Variants in CAMK1D observed in about 807,000 individuals in gnomAD.
CAMK1D encodes the protein calcium/calmodulin-dependent protein kinase type 1D.
A neutral mutation model predicts 47.7 loss-of-function variants in CAMK1D; 9 were observed. The observed-to-expected ratio is 0.19, with a 90% CI of 0.11 to 0.33. The LOEUF is 0.33. Ranked by LOEUF, CAMK1D falls within the 10% of genes least tolerant of loss-of-function variation. The pLI is 1.00. For synonymous variants in CAMK1D, 184 were observed against 184.9 expected, an observed-to-expected ratio of 0.99 and a Z score of 0.04; for missense variants, 291 against 488.7, an observed-to-expected ratio of 0.60 and a Z score of 3.81.
rs1837959701 is a variant in CAMK1D, at chr10:12,791,115, C to G, written c.566-43C>G. The G allele has an allele frequency of 2.5e-6, 4 of 1,582,366 alleles. No homozygotes were observed. In the African/African-American group the frequency reaches 5.4e-5, roughly 21 times the overall value. On this transcript the variant is annotated intron_variant, in intron 5 of 10. Transcript: ENST00000619168. ...CCCAAAAACTGTCTTCAGTCCGAGG[C>G]ATGTAAATTGTCAGGCTGTGTCTTT...
chr10:12,659,871 C>A (rs1840224861), intron 2 of CAMK1D, among the ~76,000 whole-genome samples: 2 of 152,136 alleles, frequency 1.3e-5, no homozygotes, highest in African/African-American at 4.8e-5. Context: ...AGGCCTTTCC[C>A]AGACTAGACT....
chr10:12,365,251 G>A (rs116133091), intron 1 of CAMK1D, among the ~76,000 whole-genome samples: 1,969 of 151,204 alleles, frequency 0.013, 44 homozygotes, highest in African/African-American at 0.045. Context: ...CCACCAAGCC[G>A]GCCTATCCTC....
intron 2 of CAMK1D, among the ~76,000 whole-genome samples, chr10:12,666,215 G>GT (rs375321423): frequency 1.0e-4 from 15 of 148,974 alleles, no homozygotes; most frequent in African/African-American, 3.2e-4. Flanking sequence ...AGTCAGGTTG[G>GT]TTTTTTTTTT....
chr10:12,353,747 A>G (rs1837416967), intron 1 of CAMK1D, among the ~76,000 whole-genome samples: 1 of 152,176 alleles, frequency 6.6e-6, no homozygotes, highest in African/African-American at 2.4e-5. Flanking sequence ...ATCTCTGAAT[A>G]AGGTGGTGAG....
At chr10:12,452,477 A>C (rs1344755138) in intron 1 of CAMK1D, among the ~76,000 whole-genome samples, 1 of 151,816 alleles carries the variant, frequency 6.6e-6, no homozygotes, top group Non-Finnish European at 1.5e-5. Context: ...AATTATTTAT[A>C]ATGTATAAAT....
chr10:12,452,742 T>C (rs1467729773), intron 1 of CAMK1D, among the ~76,000 whole-genome samples: 1 of 152,026 alleles, frequency 6.6e-6, no homozygotes, highest in Non-Finnish European at 1.5e-5. Flanking sequence ...TGCACCACTA[T>C]GCCTGGCTAA....
intron 1 of CAMK1D, among the ~76,000 whole-genome samples, chr10:12,350,360 G>T (rs7078198): frequency 0.51 from 78,308 of 152,184 alleles, 20,722 homozygotes; most frequent in Non-Finnish European, 0.58. Context: ...CTTACATCAT[G>T]TATTTCTATG....
intron 1 of CAMK1D, among the ~76,000 whole-genome samples, chr10:12,473,360 G>A (rs998190357): frequency 6.6e-6 from 1 of 152,104 alleles, no homozygotes; most frequent in Non-Finnish European, 1.5e-5. Flanking sequence ...CTTGAACTTG[G>A]GAGGTGGAAG....
intron 3 of CAMK1D, among the ~76,000 whole-genome samples, chr10:12,723,915 CT>C (rs1301168050): frequency 1.3e-5 from 2 of 152,168 alleles, no homozygotes; most frequent in African/African-American, 4.8e-5. Context: ...CCCACTCCCC[CT>C]ACCCCACAAC....
chr10:12,365,730 G>T (rs143299121), intron 1 of CAMK1D, among the ~76,000 whole-genome samples: 1 of 151,074 alleles, frequency 6.6e-6, no homozygotes, highest in Non-Finnish European at 1.5e-5. Context: ...AAGCCACCAC[G>T]CCCGGCCTAA....
intron 2 of CAMK1D, among the ~76,000 whole-genome samples, chr10:12,643,193 G>T (rs557570574): frequency 6.6e-6 from 1 of 152,202 alleles, no homozygotes; most frequent in Admixed American, 6.5e-5. Context: ...AGTAGAGATG[G>T]GGTTTCACCA....
At chr10:12,573,834 T>TTTTTG (rs1837404299) in intron 2 of CAMK1D, among the ~76,000 whole-genome samples, 1 of 99,504 alleles carries the variant, frequency 1.0e-5, no homozygotes, top group Non-Finnish European at 1.8e-5. Flanking sequence ...AAAAAAACTT[T>TTTTTG]TTTTTTTTTT....
intron 1 of CAMK1D, among the ~76,000 whole-genome samples, chr10:12,413,340 A>G (rs1839729746): frequency 1.3e-5 from 2 of 152,098 alleles, no homozygotes; most frequent in African/African-American, 4.8e-5. Flanking sequence ...CGCTCCCATG[A>G]CCCAGACACC....
intron 5 of CAMK1D, among the ~76,000 whole-genome samples, chr10:12,781,109 C>T (rs1264327265): frequency 6.6e-6 from 1 of 152,158 alleles, no homozygotes; most frequent in East Asian, 1.9e-4. Context: ...GGAATTGCTT[C>T]TTTAGATACT....
At chr10:12,573,174 C>T (rs1837379311) in intron 2 of CAMK1D, among the ~76,000 whole-genome samples, 1 of 152,250 alleles carries the variant, frequency 6.6e-6, no homozygotes, top group South Asian at 2.1e-4. Flanking sequence ...CCCCACAGGC[C>T]TGTGAGAATG....
At chr10:12,484,722 C>G (rs1588540222) in intron 1 of CAMK1D, among the ~76,000 whole-genome samples, 1 of 151,230 alleles carries the variant, frequency 6.6e-6, no homozygotes, top group East Asian at 2.0e-4. Context: ...GGAGGAGAGC[C>G]TAGCTTGTGG....
At chr10:12,449,172 C>T (rs1247932132) in intron 1 of CAMK1D, among the ~76,000 whole-genome samples, 1 of 152,060 alleles carries the variant, frequency 6.6e-6, no homozygotes, top group African/African-American at 2.4e-5. Context: ...GAGTATTTGG[C>T]CATTAAAATC....
rs1564307227 is a variant in CAMK1D, at chr10:12,387,444, TTTATA to T, written c.92+37536_92+37540del. 1.2e-4 allele frequency among the ~76,000 whole-genome samples: 6 copies of T among 48,658 alleles called. No homozygotes were observed. The East Asian group carries it at 2.9e-3, about 23-fold the overall frequency. 31.9% of individuals were successfully genotyped at this position (48,658 alleles called of 152,430 possible). A position where few individuals can be genotyped will look rare whatever the true frequency, so the allele number is the denominator to read the frequency against. On this transcript the variant is annotated intron_variant, in intron 1 of 10. Transcript: ENST00000619168. ...TATATATTTTATATATTATATATATTTTATATATATATATATATATAGACATTGTA... is the reference window on the plus strand; with the variant it reads ...TATATATTTTATATATTATATATATTTATATATATATATATAGACATTGTA...
At chr10:12,641,351 G>A (rs1839660494) in intron 2 of CAMK1D, among the ~76,000 whole-genome samples, 1 of 152,186 alleles carries the variant, frequency 6.6e-6, no homozygotes, top group Non-Finnish European at 1.5e-5. Context: ...GCTGGGCACG[G>A]TGGCTCATGC....
Sources: allele counts gnomAD v4.1 joint callset (sites outside exome capture counted in the v4.1 genomes callset), GRCh38; gene constraint gnomAD v4.1.1; transcripts MANE v1.5; gene names NCBI Gene and HGNC (gene_info 2026-07-23, HGNC 2026-07-21).